Variants in RNF217 observed in about 807,000 individuals in gnomAD.
The protein encoded by RNF217 is ring finger protein 217.
In RNF217, 31 loss-of-function variants were observed where a neutral mutation model predicts 57.8. The observed-to-expected ratio is 0.54, with a 90% CI of 0.40 to 0.72. The LOEUF (loss-of-function observed/expected upper bound fraction) is 0.72, where lower values mean the gene tolerates loss of function less well. Ranked by LOEUF, RNF217 falls within the 30% of genes least tolerant of loss-of-function variation. RNF217 has a pLI of 0.00. For missense variants in RNF217, 696 were observed against 708.3 expected, an observed-to-expected ratio of 0.98 and a Z score of 0.20; for synonymous variants, 313 against 294.0, an observed-to-expected ratio of 1.06 and a Z score of -0.66.
At chr6:125,025,862 C>T (rs1582723499) in intron 1 of RNF217, among the ~76,000 whole-genome samples, 2 of 152,224 alleles carry the variant, frequency 1.3e-5, no homozygotes, top group South Asian at 4.1e-4. Flanking sequence ...TCAGCTGATC[C>T]TGTTGGATTT....
At position 125,056,221 on chromosome 6, in the gene RNF217, G is replaced by T. The variant is rs1014286086; in HGVS notation, c.1117-1721G>T. 9.9e-5 allele frequency among the ~76,000 whole-genome samples: 15 copies of T among 152,074 alleles called. 1 individual carries two copies. The highest frequency in any genetic ancestry group is 9.8e-4 in the Admixed American group (15 of 15,256). ...TAAACTTGGAGCCAGACAAACTTAC[G>T]TTTAAATTCCTTCTTAACACATATG... On this transcript the variant is annotated intron_variant, in intron 2 of 5. Coordinates refer to ENST00000521654, the MANE Select transcript of RNF217 (RefSeq NM_001286398.3).
chr6:125,030,912 T>G (rs560480127), intron 1 of RNF217, among the ~76,000 whole-genome samples: 16 of 152,348 alleles, frequency 1.1e-4, no homozygotes, highest in African/African-American at 3.6e-4. Context: ...GCAGAGGTTC[T>G]ACATGAGGGC....
intron 3 of RNF217, among the ~76,000 whole-genome samples, chr6:125,075,049 G>A (rs774159046): frequency 1.3e-5 from 2 of 152,186 alleles, no homozygotes; most frequent in Non-Finnish European, 2.9e-5. Flanking sequence ...TACTCCAAGT[G>A]CAAGCTTGTC....
intron 1 of RNF217, among the ~76,000 whole-genome samples, chr6:124,981,752 C>T (rs1364385767): frequency 6.6e-6 from 1 of 151,858 alleles, no homozygotes; most frequent in African/African-American, 2.4e-5. Context: ...AGGGCGGTGA[C>T]TCATGCCTAT....
At chr6:124,974,537 T>C (rs1239465573) in intron 1 of RNF217, among the ~76,000 whole-genome samples, 1 of 152,188 alleles carries the variant, frequency 6.6e-6, no homozygotes, top group Non-Finnish European at 1.5e-5. Context: ...AGGGTCAGCT[T>C]CCAATAATTC....
At chr6:125,076,452 A>G (rs545639354) in intron 3 of RNF217, among the ~76,000 whole-genome samples, 1 of 152,256 alleles carries the variant, frequency 6.6e-6, no homozygotes, top group East Asian at 1.9e-4. Flanking sequence ...TACCTGAAAT[A>G]TTATCAAGCT....
chr6:125,033,478 A>C (rs1786454793), intron 1 of RNF217, among the ~76,000 whole-genome samples: 1 of 149,256 alleles, frequency 6.7e-6, no homozygotes, highest in African/African-American at 2.5e-5. Flanking sequence ...GTTTACTGAG[A>C]ATGATGATTT....
At chr6:124,984,928 A>G (rs930192339) in intron 1 of RNF217, among the ~76,000 whole-genome samples, 1 of 152,202 alleles carries the variant, frequency 6.6e-6, no homozygotes, top group African/African-American at 2.4e-5. Context: ...GTAAGACATA[A>G]AAGGTTATTA....
At chr6:125,020,715 T>TAATC (rs1260972336) in intron 1 of RNF217, among the ~76,000 whole-genome samples, 1 of 152,202 alleles carries the variant, frequency 6.6e-6, no homozygotes, top group East Asian at 1.9e-4. Context: ...GAATATTATA[T>TAATC]AATCTCCATG....
chr6:125,001,941 T>G (rs1785004550), intron 1 of RNF217, among the ~76,000 whole-genome samples: 1 of 152,252 alleles, frequency 6.6e-6, no homozygotes, highest in Admixed American at 6.5e-5. Flanking sequence ...CTAGAATCAC[T>G]GTTTCCATCT....
chr6:125,015,032 T>C (rs916857838), intron 1 of RNF217, among the ~76,000 whole-genome samples: 3 of 152,146 alleles, frequency 2.0e-5, no homozygotes, highest in African/African-American at 7.2e-5. Flanking sequence ...CCAGCAACAT[T>C]GCCATTTAGC....
rs1783368957 is a variant in RNF217 at position 124,963,147 on chromosome 6, C to T, written c.603C>T (p.Arg201=). 1 of 1,534,324 alleles carries T rather than the reference C, an allele frequency of 6.5e-7. No homozygotes were observed. Among genetic ancestry groups the T allele is most frequent in the Non-Finnish European group, 8.7e-7 (1 of 1,145,916 alleles). Residue 201 remains arginine (R), a synonymous_variant, in exon 1 of 6, where the codon CGC becomes CGT. Transcript: ENST00000521654. ...APPVLNPPST[R]SSFPSPRLSL... ...CAGTGTTGAACCCTCCCAGCACCCG[C>T]TCTTCCTTCCCCAGCCCCCGACTGT... is the stretch of plus-strand genomic sequence containing the variant.
intron 1 of RNF217, among the ~76,000 whole-genome samples, chr6:125,019,834 G>GGT (rs1554287210): frequency 1.4e-5 from 2 of 141,492 alleles, no homozygotes; most frequent in African/African-American, 5.1e-5. Context: ...TTTTTGCAGT[G>GGT]GGGGGGGAGT....
At chr6:124,985,698 G>A (rs1397179419) in intron 1 of RNF217, among the ~76,000 whole-genome samples, 1 of 152,114 alleles carries the variant, frequency 6.6e-6, no homozygotes, top group Non-Finnish European at 1.5e-5. Flanking sequence ...TCAGAGAAAT[G>A]TGTATAGTAT....
intron 3 of RNF217, among the ~76,000 whole-genome samples, chr6:125,074,287 C>T (rs1168627666): frequency 6.9e-6 from 1 of 145,596 alleles, no homozygotes; most frequent in East Asian, 2.1e-4. Flanking sequence ...GGTCGGTAGA[C>T]AGAAGATAGG....
chr6:125,025,012 C>G (rs1786017301), intron 1 of RNF217, among the ~76,000 whole-genome samples: 1 of 151,926 alleles, frequency 6.6e-6, no homozygotes, highest in Non-Finnish European at 1.5e-5. Flanking sequence ...ACTCAGGAAG[C>G]CTTAAAGGAT....
intron 1 of RNF217, among the ~76,000 whole-genome samples, chr6:124,972,154 T>C (rs1783788214): frequency 6.6e-6 from 1 of 152,220 alleles, no homozygotes; most frequent in African/African-American, 2.4e-5. Flanking sequence ...CTGTTTCCAT[T>C]CATTGTACTC....
Position 125,008,511 on chromosome 6 carries a change from CAGGCCT to C in RNF217, c.883-36699_883-36694del, listed in dbSNP as rs577962823. On this transcript the variant is annotated intron_variant, in intron 1 of 5. Coordinates refer to ENST00000521654, the MANE Select transcript of RNF217 (RefSeq NM_001286398.3). The stretch of plus-strand genomic sequence containing the variant: ...GAATATCCCAGTCATCAGCACAGTC[CAGGCCT>C]TGGTTTCCAACTTCTTGGAGTGATT... Among the ~76,000 whole-genome samples, 391 of 152,206 alleles carry C rather than the reference CAGGCCT, an allele frequency of 2.6e-3. 1 individual carries two copies. Among genetic ancestry groups the C allele is most frequent in the Middle Eastern group, 6.8e-3 (2 of 294 alleles).
At position 125,045,341 on chromosome 6, in the gene RNF217, G is replaced by A. The variant is rs150679432; in HGVS notation, c.1013G>A (p.Arg338His). ...IKYKYFLELG[R>H]IDSSTKPCPQ... ...TATAAGTACTTCTTGGAACTTGGCC[G>A]TATTGATTCCAGCACCAAGCCATGT... The change falls in exon 2 of 6, where the codon CGT becomes CAT. Residue 338 changes from arginine (R) to histidine (H), a missense_variant. Arg to His is a conservative substitution (Grantham distance 29). Transcript: ENST00000521654. 4.7e-5 allele frequency: 76 copies of A among 1,613,228 alleles called. No homozygotes were observed. Among genetic ancestry groups the A allele is most frequent in the African/African-American group, 6.7e-5 (5 of 74,836 alleles).
Sources: gnomAD v4.1 joint callset for allele counts (sites outside exome capture counted in the v4.1 genomes callset) on GRCh38, gnomAD v4.1.1 for gene constraint, MANE v1.5 for transcripts, NCBI Gene and HGNC (gene_info 2026-07-23, HGNC 2026-07-21) for gene names.